The following ROBO1 variants were observed in gnomAD, a reference collection of about 807,000 sequenced individuals.
The protein encoded by ROBO1 is roundabout guidance receptor 1.
Under a neutral mutation model 195.9 loss-of-function variants are expected in ROBO1, and 149 were observed. The ratio of observed to expected loss-of-function variants is 0.76; its 90% CI spans 0.67 to 0.87. The LOEUF (loss-of-function observed/expected upper bound fraction) is 0.87, where lower values mean the gene tolerates loss of function less well. Ranked by LOEUF, ROBO1 falls within the 40% of genes least tolerant of loss-of-function variation. The probability of loss-of-function intolerance (pLI) is 0.00; values close to 1 mark genes in which losing one functional copy is unlikely to be tolerated. For synonymous variants in ROBO1, 816 were observed against 733.2 expected (o/e 1.11, Z -1.82); for missense variants, 1,933 against 2,068.3 (o/e 0.93, Z 1.27).
chr3:79,375,949 G>GAA (rs2036367773), intron 2 of ROBO1, among the ~76,000 whole-genome samples: 1 of 152,130 alleles, frequency 6.6e-6, no homozygotes, highest in Non-Finnish European at 1.5e-5. Flanking sequence ...TGAGTACCAC[G>GAA]AACATGCCCA....
At chr3:79,648,058 G>A (rs934284160) in intron 1 of ROBO1, among the ~76,000 whole-genome samples, 4 of 152,032 alleles carry the variant, frequency 2.6e-5, no homozygotes, top group African/African-American at 9.7e-5. Flanking sequence ...TTCATTTAAA[G>A]TTACAGTTTT....
At chr3:79,042,444 CT>C (rs2108336987) in intron 3 of ROBO1, among the ~76,000 whole-genome samples, 1 of 152,264 alleles carries the variant, frequency 6.6e-6, no homozygotes, top group South Asian at 2.1e-4. Context: ...TTAGACCCTG[CT>C]TTTAAACTTC....
intron 4 of ROBO1, among the ~76,000 whole-genome samples, chr3:78,854,776 A>T (rs1262409481): frequency 6.6e-6 from 1 of 152,122 alleles, no homozygotes; most frequent in Non-Finnish European, 1.5e-5. Context: ...TTAATATAGA[A>T]ATTTGTCTAA....
At chr3:78,827,371 CT>C (rs2031717587) in intron 4 of ROBO1, among the ~76,000 whole-genome samples, 1 of 152,094 alleles carries the variant, frequency 6.6e-6, no homozygotes, top group Non-Finnish European at 1.5e-5. Flanking sequence ...AATAAAAAAG[CT>C]AAAAACTTAC....
chr3:79,549,721 G>A (rs1942406483), intron 2 of ROBO1, among the ~76,000 whole-genome samples: 1 of 152,074 alleles, frequency 6.6e-6, no homozygotes, highest in African/African-American at 2.4e-5. Flanking sequence ...GTATCCAAAG[G>A]ACATCCTGGA....
At chr3:79,483,811 G>A (rs1019226130) in intron 2 of ROBO1, among the ~76,000 whole-genome samples, 1 of 152,100 alleles carries the variant, frequency 6.6e-6, no homozygotes, top group Non-Finnish European at 1.5e-5. Flanking sequence ...CATGGATCTG[G>A]GACGGGGTTG....
At chr3:79,292,424 G>A (rs1035254617) in intron 2 of ROBO1, among the ~76,000 whole-genome samples, 7 of 152,188 alleles carry the variant, frequency 4.6e-5, no homozygotes, top group African/African-American at 1.7e-4. Context: ...TTGAAGAAGA[G>A]TGGTGAGAGA....
chr3:78,623,718 G>A (rs1575793424), intron 26 of ROBO1, among the ~76,000 whole-genome samples: 1 of 152,234 alleles, frequency 6.6e-6, no homozygotes, highest in South Asian at 2.1e-4. Flanking sequence ...GAGAGAAAAC[G>A]GCTGTCGGAA....
intron 4 of ROBO1, among the ~76,000 whole-genome samples, chr3:78,856,007 A>G (rs2034400691): frequency 6.6e-6 from 1 of 152,002 alleles, no homozygotes; most frequent in Non-Finnish European, 1.5e-5. Context: ...AAATATAGTC[A>G]ATTCCAAGGG....
intron 4 of ROBO1, among the ~76,000 whole-genome samples, chr3:78,847,084 C>T (rs951687166): frequency 6.6e-6 from 1 of 151,958 alleles, no homozygotes; most frequent in South Asian, 2.1e-4. Context: ...ACAGGGAAAT[C>T]GATTAATCAA....
intron 2 of ROBO1, among the ~76,000 whole-genome samples, chr3:79,486,381 C>T (rs533334184): frequency 6.6e-6 from 1 of 152,238 alleles, no homozygotes; most frequent in East Asian, 1.9e-4. Context: ...CAAGACCTTT[C>T]TTGGCCACCC....
intron 2 of ROBO1, among the ~76,000 whole-genome samples, chr3:79,126,056 T>A (rs1207806957): frequency 6.6e-6 from 1 of 152,108 alleles, no homozygotes. Flanking sequence ...AGAGGGAGGA[T>A]GATAAAAATG....
chr3:78,693,191 A>C (rs2081213757), intron 8 of ROBO1: 2 of 944,676 alleles, frequency 2.1e-6, no homozygotes, highest in Admixed American at 3.1e-5. Flanking sequence ...CTTCCTGCAG[A>C]CTTTATTCTG....
intron 25 of ROBO1, among the ~76,000 whole-genome samples, chr3:78,629,055 G>A (rs1575803327): frequency 6.6e-6 from 1 of 151,934 alleles, no homozygotes; most frequent in East Asian, 1.9e-4. Flanking sequence ...AAACACTCGA[G>A]TATCTGCATA....
At chr3:79,024,789 T>C (rs2078171530) in intron 3 of ROBO1, among the ~76,000 whole-genome samples, 1 of 152,188 alleles carries the variant, frequency 6.6e-6, no homozygotes, top group Non-Finnish European at 1.5e-5. Context: ...GCTTCAGCTT[T>C]CCTGATTAAA....
intron 3 of ROBO1, among the ~76,000 whole-genome samples, chr3:78,962,792 T>C (rs1305197930): frequency 8.0e-6 from 1 of 124,844 alleles, no homozygotes; most frequent in African/African-American, 3.2e-5. Flanking sequence ...CCACTGCACT[T>C]CAGCCTGGGC....
chr3:79,603,246 AC>A (rs1944389348), intron 1 of ROBO1, among the ~76,000 whole-genome samples: 1 of 148,096 alleles, frequency 6.8e-6, no homozygotes, highest in South Asian at 2.1e-4. Flanking sequence ...TATCAAAACA[AC>A]CCTCCTCATC....
intron 4 of ROBO1, among the ~76,000 whole-genome samples, chr3:78,813,242 G>GCA (rs10526078): frequency 4.7e-5 from 7 of 150,508 alleles, no homozygotes; most frequent in African/African-American, 1.2e-4. Context: ...AGTTTTACAT[G>GCA]CACACACACA....
At chr3:79,540,671 C>T (rs938055691) in intron 2 of ROBO1, among the ~76,000 whole-genome samples, 4 of 152,054 alleles carry the variant, frequency 2.6e-5, no homozygotes, top group Non-Finnish European at 4.4e-5. Flanking sequence ...CTCAACTGTC[C>T]GATTTCACTT....
Sources: allele counts gnomAD v4.1 joint callset (sites outside exome capture counted in the v4.1 genomes callset), GRCh38; gene constraint gnomAD v4.1.1; transcripts MANE v1.5; gene names NCBI Gene and HGNC (gene_info 2026-07-23, HGNC 2026-07-21).